Variants in ZNF385D observed in about 807,000 individuals in gnomAD.
The protein encoded by ZNF385D is zinc finger protein 659.
ZNF385D carries 15 observed loss-of-function variants against 35.8 expected under a neutral mutation model. The observed-to-expected ratio is 0.42, with a 90% confidence interval of 0.28 to 0.64. ZNF385D has a LOEUF of 0.64. ZNF385D is among the 30% of genes least tolerant of loss of function. The pLI is 0.23. For synonymous variants in ZNF385D, 212 were observed against 186.8 expected (o/e 1.13, Z -1.10); for missense variants, 474 against 494.6 (o/e 0.96, Z 0.39).
intron 3 of ZNF385D, among the ~76,000 whole-genome samples, chr3:21,897,274 G>A (rs1016678420): frequency 3.9e-5 from 6 of 152,098 alleles, no homozygotes; most frequent in Non-Finnish European, 5.9e-5. Context: ...ACAGGCAAGA[G>A]GGGGATTAAT....
chr3:21,643,424 C>G (rs1202078918), intron 2 of ZNF385D, among the ~76,000 whole-genome samples: 3 of 152,154 alleles, frequency 2.0e-5, no homozygotes, highest in East Asian at 1.9e-4. Context: ...TCCATCTTCA[C>G]TCTACCCTAA....
chr3:21,496,587 C>A (rs897216187), intron 4 of ZNF385D, among the ~76,000 whole-genome samples: 1 of 101,998 alleles, frequency 9.8e-6, no homozygotes, highest in Non-Finnish European at 2.1e-5. Flanking sequence ...TATATATATA[C>A]ACACATATAT....
intron 3 of ZNF385D, among the ~76,000 whole-genome samples, chr3:21,765,554 C>T (rs908541859): frequency 6.6e-6 from 1 of 151,692 alleles, no homozygotes; most frequent in South Asian, 2.1e-4. Flanking sequence ...GGAGAAGGAA[C>T]GTGTCAATTG....
At chr3:22,330,706 G>C (rs1265354561) in intron 2 of ZNF385D, among the ~76,000 whole-genome samples, 3 of 152,180 alleles carry the variant, frequency 2.0e-5, no homozygotes, top group South Asian at 4.1e-4. Flanking sequence ...CACAAGCAGG[G>C]ATTTCTGTGG....
At chr3:21,907,195 T>C (rs1699725833) in intron 3 of ZNF385D, among the ~76,000 whole-genome samples, 1 of 152,194 alleles carries the variant, frequency 6.6e-6, no homozygotes, top group South Asian at 2.1e-4. Context: ...TTAATAGATG[T>C]ATAATAAAGT....
At chr3:22,030,479 C>A (rs11920565) in intron 3 of ZNF385D, among the ~76,000 whole-genome samples, 2 of 149,082 alleles carry the variant, frequency 1.3e-5, no homozygotes, top group South Asian at 2.1e-4. Context: ...GAGAGAGAGA[C>A]ACAGAGAGAG....
At chr3:22,014,564 C>A (rs2125443369) in intron 3 of ZNF385D, among the ~76,000 whole-genome samples, 1 of 152,120 alleles carries the variant, frequency 6.6e-6, no homozygotes, top group East Asian at 1.9e-4. Context: ...ATCCACCTAC[C>A]CCCAAAATGC....
intron 2 of ZNF385D, among the ~76,000 whole-genome samples, chr3:22,259,365 T>G (rs554134043): frequency 2.6e-5 from 4 of 151,724 alleles, no homozygotes; most frequent in Non-Finnish European, 5.9e-5. Context: ...TAGCAATTAT[T>G]AAGTCATTTT....
chr3:21,625,174 A>T (rs12492021), intron 2 of ZNF385D, among the ~76,000 whole-genome samples: 35,181 of 151,974 alleles, frequency 0.23, 5,139 homozygotes, highest in Non-Finnish European at 0.33. Context: ...TCACCTAATT[A>T]ACTTTATAAA....
intron 5 of ZNF385D, among the ~76,000 whole-genome samples, chr3:21,434,651 G>A (rs917751456): frequency 6.6e-6 from 1 of 152,116 alleles, no homozygotes; most frequent in Admixed American, 6.6e-5. Flanking sequence ...GACAGAGGGG[G>A]TCAAACAGCA....
At chr3:22,063,954 A>G (rs1253281985) in intron 3 of ZNF385D, among the ~76,000 whole-genome samples, 2 of 152,220 alleles carry the variant, frequency 1.3e-5, no homozygotes, top group East Asian at 1.9e-4. Flanking sequence ...ACCCACAGTT[A>G]TTAATCCTGA....
chr3:21,896,097 G>A (rs529336477), intron 3 of ZNF385D, among the ~76,000 whole-genome samples: 101 of 152,228 alleles, frequency 6.6e-4, no homozygotes, highest in Admixed American at 2.4e-3. Flanking sequence ...TGAGGCTCCT[G>A]ATATATCCCT....
chr3:21,765,436 A>T (rs1257927328), intron 3 of ZNF385D, among the ~76,000 whole-genome samples: 1 of 152,122 alleles, frequency 6.6e-6, no homozygotes, highest in Non-Finnish European at 1.5e-5. Flanking sequence ...TGATTTGATT[A>T]GGATGGCTTC....
At chr3:21,763,953 G>T (rs551431823) in intron 3 of ZNF385D, among the ~76,000 whole-genome samples, 1 of 152,276 alleles carries the variant, frequency 6.6e-6, no homozygotes, top group East Asian at 1.9e-4. Flanking sequence ...AACTAAGACA[G>T]ATTTTTGGCC....
At chr3:21,575,096 ATTATT>A (rs2063456814) in intron 2 of ZNF385D, among the ~76,000 whole-genome samples, 1 of 152,214 alleles carries the variant, frequency 6.6e-6, no homozygotes, top group Non-Finnish European at 1.5e-5. Context: ...AAAATTTATC[ATTATT>A]TTCTTTTGAG....
chr3:22,111,605 TC>T (rs1444953670), intron 3 of ZNF385D, among the ~76,000 whole-genome samples: 1 of 152,146 alleles, frequency 6.6e-6, no homozygotes, highest in Non-Finnish European at 1.5e-5. Context: ...CATTGCTGAT[TC>T]CCTATATATT....
intron 2 of ZNF385D, among the ~76,000 whole-genome samples, chr3:22,346,291 T>C (rs1302268627): frequency 6.6e-6 from 1 of 152,194 alleles, no homozygotes; most frequent in Non-Finnish European, 1.5e-5. Context: ...TTTCCAAAAA[T>C]ATTTGTCTAA....
At chr3:21,923,457 C>T (rs1428968400) in intron 3 of ZNF385D, among the ~76,000 whole-genome samples, 1 of 152,016 alleles carries the variant, frequency 6.6e-6, no homozygotes, top group Non-Finnish European at 1.5e-5. Context: ...TGGAGATTTC[C>T]CACCAAACTT....
intron 3 of ZNF385D, among the ~76,000 whole-genome samples, chr3:21,910,487 A>G (rs1699910240): frequency 1.3e-5 from 2 of 151,994 alleles, no homozygotes; most frequent in African/African-American, 4.8e-5. Flanking sequence ...TACAAATACT[A>G]AACAGTAGAA....
Sources: allele counts gnomAD v4.1 joint callset (sites outside exome capture counted in the v4.1 genomes callset), GRCh38; gene constraint gnomAD v4.1.1; transcripts MANE v1.5; gene names NCBI Gene and HGNC (gene_info 2026-07-23, HGNC 2026-07-21).